The following CLSTN2 variants were observed in gnomAD, a reference collection of about 807,000 sequenced individuals.
CLSTN2 encodes the protein calsyntenin-2.
A neutral mutation model predicts 101.2 loss-of-function variants in CLSTN2; 48 were observed. The observed-to-expected ratio is 0.47, with a 90% CI of 0.38 to 0.60. The LOEUF (loss-of-function observed/expected upper bound fraction) is 0.60. CLSTN2 is among the 20% of genes least tolerant of loss of function. The pLI is 0.00. For missense variants in CLSTN2, 1,160 were observed against 1,238.2 expected (o/e 0.94, Z 0.95); for synonymous variants, 481 against 463.6 (o/e 1.04, Z -0.48).
chr3:140,454,198 G>A (rs1933334414), intron 6 of CLSTN2: 1 of 152,164 alleles, frequency 6.6e-6, no homozygotes, highest in South Asian at 2.1e-4. Context: ...ATTTCTTGCA[G>A]GTCATTTAAG....
At position 140,391,887 on chromosome 3, in the gene CLSTN2, T is replaced by C. The variant is rs563988659; in HGVS notation, c.233-11742T>C. Among the ~76,000 whole-genome samples the C allele has an allele frequency of 9.9e-5, 15 of 152,182 alleles. No homozygotes were observed. The South Asian group carries it at 2.9e-3, about 29-fold the overall frequency. Reference sequence around the variant, plus strand: ...ACCATAACAATACCATCTAAGCAATTATTAAGAGGCGATGATCATTTAAGA... The same window carrying C: ...ACCATAACAATACCATCTAAGCAATCATTAAGAGGCGATGATCATTTAAGA... On this transcript the variant is annotated intron_variant, in intron 2 of 16. Coordinates refer to ENST00000458420, the MANE Select transcript of CLSTN2 (RefSeq NM_022131.3).
intron 1 of CLSTN2, among the ~76,000 whole-genome samples, chr3:140,108,491 C>G (rs1184076736): frequency 2.0e-5 from 3 of 152,194 alleles, no homozygotes; most frequent in African/African-American, 7.2e-5. Flanking sequence ...TGTTCCTTAC[C>G]TGTAAACCTG....
chr3:140,505,093 T>C (rs997184092), intron 8 of CLSTN2, among the ~76,000 whole-genome samples: 2 of 151,754 alleles, frequency 1.3e-5, no homozygotes, highest in Admixed American at 6.6e-5. Context: ...GCTGTGGAAT[T>C]CCAAGCTGAG....
chr3:140,399,388 T>A (rs55643627), intron 2 of CLSTN2, among the ~76,000 whole-genome samples: 68,470 of 152,098 alleles, frequency 0.45, 16,824 homozygotes, highest in South Asian at 0.63. Flanking sequence ...TAAATATCTT[T>A]CTATCTAGAA....
chr3:140,338,469 C>G (rs1327163689), intron 2 of CLSTN2, among the ~76,000 whole-genome samples: 1 of 152,192 alleles, frequency 6.6e-6, no homozygotes, highest in Non-Finnish European at 1.5e-5. Flanking sequence ...GTGTTTTTAG[C>G]CCTCGGAGCC....
intron 8 of CLSTN2, among the ~76,000 whole-genome samples, chr3:140,514,143 C>A: frequency 8.0e-6 from 1 of 125,066 alleles, no homozygotes; most frequent in Non-Finnish European, 1.6e-5. Context: ...GTATAGTTTT[C>A]TATATTTTTT....
rs575123664 is a variant in CLSTN2, at chr3:140,556,305, T to C, written c.1675-208T>C. On this transcript the variant is annotated intron_variant, in intron 10 of 16. Coordinates refer to ENST00000458420, the MANE Select transcript of CLSTN2 (RefSeq NM_022131.3). ...AGGCACAGTCCCTGGAAAGACCTCA[T>C]AGGAAAGGGCCGCAAAGCCCACCAG... Among the ~76,000 whole-genome samples the C allele has an allele frequency of 2.6e-5, 4 of 152,096 alleles. No individual in the cohort carries two copies. In the East Asian group the frequency reaches 7.8e-4, roughly 30 times the overall value.
intron 2 of CLSTN2, among the ~76,000 whole-genome samples, chr3:140,216,849 A>G (rs2010926834): frequency 6.6e-6 from 1 of 152,234 alleles, no homozygotes; most frequent in Admixed American, 6.5e-5. Context: ...GGGAAACTAC[A>G]GTGAAAGGAG....
At chr3:140,363,479 T>C (rs373827818) in intron 2 of CLSTN2, among the ~76,000 whole-genome samples, 1 of 152,232 alleles carries the variant, frequency 6.6e-6, no homozygotes, top group African/African-American at 2.4e-5. Context: ...AATTTTAAGG[T>C]ATGTAAATAC....
At chr3:140,087,088 A>T (rs923899675) in intron 1 of CLSTN2, among the ~76,000 whole-genome samples, 30 of 152,122 alleles carry the variant, frequency 2.0e-4, no homozygotes, top group Admixed American at 4.6e-4. Flanking sequence ...TGTTTGGTGG[A>T]GGTTTTTTTA....
intron 1 of CLSTN2, among the ~76,000 whole-genome samples, chr3:139,957,455 C>G (rs1020821115): frequency 6.6e-6 from 1 of 152,104 alleles, no homozygotes; most frequent in Admixed American, 6.5e-5. Context: ...CAACTCTAAC[C>G]TGTATATGCC....
intron 1 of CLSTN2, among the ~76,000 whole-genome samples, chr3:140,041,504 G>A (rs1441015716): frequency 4.6e-5 from 7 of 152,318 alleles, no homozygotes; most frequent in Admixed American, 2.6e-4. Context: ...ATTATGGAGA[G>A]GGGTAGGTGG....
intron 1 of CLSTN2, among the ~76,000 whole-genome samples, chr3:139,978,407 G>A (rs1935856785): frequency 6.6e-6 from 1 of 152,126 alleles, no homozygotes; most frequent in African/African-American, 2.4e-5. Context: ...TGGACGTTTA[G>A]GTTTTGCTTA....
chr3:139,952,877 G>T (rs1935317351), intron 1 of CLSTN2, among the ~76,000 whole-genome samples: 1 of 152,132 alleles, frequency 6.6e-6, no homozygotes, highest in South Asian at 2.1e-4. Context: ...TGGGTACTGG[G>T]CTTACGTTTG....
At chr3:140,497,938 C>T (rs1934503477) in intron 8 of CLSTN2, among the ~76,000 whole-genome samples, 1 of 152,130 alleles carries the variant, frequency 6.6e-6, no homozygotes, top group African/African-American at 2.4e-5. Flanking sequence ...TTGGGGGTTC[C>T]TTTGGCTCTG....
At chr3:140,316,793 G>T (rs1229072073) in intron 2 of CLSTN2, among the ~76,000 whole-genome samples, 6 of 152,150 alleles carry the variant, frequency 3.9e-5, no homozygotes. Flanking sequence ...CTGTCACTGT[G>T]TTTGTGAAGT....
intron 2 of CLSTN2, among the ~76,000 whole-genome samples, chr3:140,208,274 G>T (rs976140764): frequency 5.3e-5 from 8 of 152,082 alleles, no homozygotes; most frequent in African/African-American, 9.7e-5. Context: ...TTTGATGTAC[G>T]ATTGGAGGCT....
chr3:140,244,230 G>T (rs1330356801), intron 2 of CLSTN2, among the ~76,000 whole-genome samples: 1 of 152,210 alleles, frequency 6.6e-6, no homozygotes, highest in Non-Finnish European at 1.5e-5. Flanking sequence ...CCACTTGACT[G>T]ATGTGGCAAG....
chr3:140,481,754 GTTA>G (rs1934122587), intron 8 of CLSTN2, among the ~76,000 whole-genome samples: 1 of 152,136 alleles, frequency 6.6e-6, no homozygotes, highest in Admixed American at 6.5e-5. Flanking sequence ...CTGTTTGTCT[GTTA>G]TTGGTGTATA....
Sources: gnomAD v4.1 joint callset for allele counts (sites outside exome capture counted in the v4.1 genomes callset) on GRCh38, gnomAD v4.1.1 for gene constraint, MANE v1.5 for transcripts, NCBI Gene and HGNC (gene_info 2026-07-23, HGNC 2026-07-21) for gene names.